Variants in RCOR1 observed in about 807,000 individuals in gnomAD.
RCOR1 encodes REST corepressor.
RCOR1 carries 12 observed loss-of-function variants against 64.0 expected under a neutral mutation model. That is an observed-to-expected ratio of 0.19 (90% CI 0.12 to 0.30). RCOR1 has a LOEUF of 0.30. Among genes scored for constraint, RCOR1 ranks in the 10% least tolerant of loss-of-function variants. The probability of loss-of-function intolerance (pLI) is 1.00; values close to 1 mark genes in which losing one functional copy is unlikely to be tolerated. For synonymous variants in RCOR1, 279 were observed against 227.2 expected (o/e 1.23, Z -2.05); for missense variants, 502 against 621.2 (o/e 0.81, Z 2.04).
chr14:102,649,170 A>G (rs140735338), intron 2 of RCOR1, among the ~76,000 whole-genome samples: 40 of 152,326 alleles, frequency 2.6e-4, no homozygotes, highest in African/African-American at 8.2e-4. Flanking sequence ...CTTAACAAAC[A>G]TAAATTAAAA....
chr14:102,602,065 G>T (rs551548321), intron 2 of RCOR1, among the ~76,000 whole-genome samples: 2 of 151,982 alleles, frequency 1.3e-5, no homozygotes, highest in African/African-American at 4.8e-5. Flanking sequence ...AGGCTGAGGC[G>T]GGAGAATTGC....
intron 2 of RCOR1, among the ~76,000 whole-genome samples, chr14:102,599,422 G>A (rs1271483536): frequency 1.3e-5 from 2 of 151,908 alleles, no homozygotes; most frequent in African/African-American, 4.8e-5. Flanking sequence ...GTGAGCCACC[G>A]TGTTCAGCCA....
intron 2 of RCOR1, among the ~76,000 whole-genome samples, chr14:102,633,562 C>T (rs1379320566): frequency 2.0e-5 from 3 of 151,772 alleles, no homozygotes; most frequent in Non-Finnish European, 4.4e-5. Context: ...CTCTTTGAGA[C>T]GGAGTTTTGC....
chr14:102,613,542 C>G (rs982234013), intron 2 of RCOR1, among the ~76,000 whole-genome samples: 8 of 146,730 alleles, frequency 5.5e-5, no homozygotes, highest in African/African-American at 1.8e-4. Flanking sequence ...ACGCCATTCT[C>G]CTGCCTCAGC....
chr14:102,638,330 A>G (rs1894288393), intron 2 of RCOR1, among the ~76,000 whole-genome samples: 1 of 152,192 alleles, frequency 6.6e-6, no homozygotes, highest in African/African-American at 2.4e-5. Flanking sequence ...TTTTAATTGA[A>G]AAGATACTAG....
chr14:102,613,885 C>CTTTTTT (rs71119719), intron 2 of RCOR1, among the ~76,000 whole-genome samples: 36 of 55,506 alleles, frequency 6.5e-4, no homozygotes, highest in African/African-American at 9.8e-4. Context: ...ATTAACTATT[C>CTTTTTT]TTTTTTTTTT....
chr14:102,728,666 C>G lies in RCOR1; in HGVS notation c.*2160C>G, dbSNP rs777204090. The G allele has an allele frequency of 6.6e-6, 1 of 152,060 alleles. No homozygotes were observed. Among genetic ancestry groups the G allele is most frequent in the Non-Finnish European group, 1.5e-5 (1 of 68,028 alleles). The allele number at this position is 152,060 out of a possible 1,614,324, so 9.4% of individuals were successfully genotyped here. A position where few individuals can be genotyped will look rare whatever the true frequency, so the allele number is the denominator to read the frequency against. On this transcript the variant is annotated 3_prime_UTR_variant, in exon 12 of 12. Coordinates refer to ENST00000262241, the MANE Select transcript of RCOR1 (RefSeq NM_015156.4). ...ATTTTTATATAGCGTGGCAAACTGA[C>G]CAGCAGTGCCAGGCCTTGATCTGTA...
intron 10 of RCOR1, 57 bp downstream of exon 10, chr14:102,721,434 TAATCCCAACATTTTG>T (rs1236367223): frequency 7.7e-7 from 1 of 1,300,466 alleles, no homozygotes; most frequent in Non-Finnish European, 1.1e-6. Context: ...CTCACACCTG[TAATCCCAACATTTTG>T]GAAGGTTGAC....
intron 3 of RCOR1, among the ~76,000 whole-genome samples, chr14:102,684,783 G>A (rs1351507706): frequency 1.3e-5 from 2 of 152,066 alleles, no homozygotes; most frequent in African/African-American, 4.8e-5. Flanking sequence ...GTGTATGTGT[G>A]TATTGTCTTC....
chr14:102,706,688 G>T (rs984152191), intron 4 of RCOR1, among the ~76,000 whole-genome samples: 1 of 152,116 alleles, frequency 6.6e-6, no homozygotes, highest in Admixed American at 6.5e-5. Context: ...TTAGCCGGGT[G>T]TGGTGGCATG....
rs183050783 is a variant in RCOR1 at position 102,685,350 on chromosome 14, G to A, written c.445+3372G>A. ...ACTAGTATGGATGTATCATAATTTA[G>A]CCTTTTTTTAAACAAAATTACCTGT... On this transcript the variant is annotated intron_variant, in intron 3 of 11. Transcript: ENST00000262241. Among the ~76,000 whole-genome samples, 76 of 150,848 alleles carry A rather than the reference G, an allele frequency of 5.0e-4. No individual in the cohort carries two copies. The East Asian group carries it at 0.013, about 26-fold the overall frequency.
At chr14:102,593,814 G>C (rs1893187293) in intron 2 of RCOR1, among the ~76,000 whole-genome samples, 1 of 152,130 alleles carries the variant, frequency 6.6e-6, no homozygotes, top group Non-Finnish European at 1.5e-5. Flanking sequence ...GCTCCTGACT[G>C]CCCTCCCATC....
intron 3 of RCOR1, among the ~76,000 whole-genome samples, chr14:102,686,789 G>A (rs1383454395): frequency 6.6e-6 from 1 of 152,064 alleles, no homozygotes; most frequent in African/African-American, 2.4e-5. Context: ...ATAATATACC[G>A]TTGTCTAGCT....
intron 4 of RCOR1, among the ~76,000 whole-genome samples, chr14:102,702,236 C>T (rs372223574): frequency 9.2e-5 from 14 of 152,070 alleles, no homozygotes; most frequent in African/African-American, 1.9e-4. Flanking sequence ...CATTTAATTA[C>T]TCTATCCTGG....
At chr14:102,681,819 T>A in intron 2 of RCOR1, 76 bp from the exon 3 acceptor site, 1 of 1,056,654 alleles carries the variant, frequency 9.5e-7, no homozygotes, top group South Asian at 1.4e-5. Context: ...GGTGATGTCA[T>A]TAAAAGGTAT....
intron 1 of RCOR1, 21 bp downstream of exon 1, chr14:102,593,208 C>CGGCCCAG: frequency 6.8e-7 from 1 of 1,473,528 alleles, no homozygotes; most frequent in South Asian, 1.3e-5. Flanking sequence ...GCCGCCCCCG[C>CGGCCCAG]GGCCCCGGGC....
At chr14:102,617,978 T>TC (rs1893798377) in intron 2 of RCOR1, among the ~76,000 whole-genome samples, 1 of 149,312 alleles carries the variant, frequency 6.7e-6, no homozygotes, top group Admixed American at 6.7e-5. Context: ...TTTTCTTTTT[T>TC]TTTTTTTTTT....
chr14:102,663,767 C>G (rs1488938872), intron 2 of RCOR1, among the ~76,000 whole-genome samples: 3 of 152,136 alleles, frequency 2.0e-5, no homozygotes, highest in African/African-American at 7.2e-5. Flanking sequence ...TAATTGGTCT[C>G]TGAAGTGTTT....
chr14:102,655,111 T>C (rs398088932), intron 2 of RCOR1: 7 of 12,564 alleles, frequency 5.6e-4, no homozygotes, highest in African/African-American at 3.8e-3. Context: ...GCGGACAACC[T>C]TTTTTTTTTT....
Sources: gnomAD v4.1 joint callset for allele counts (sites outside exome capture counted in the v4.1 genomes callset) on GRCh38, gnomAD v4.1.1 for gene constraint, MANE v1.5 for transcripts, NCBI Gene and HGNC (gene_info 2026-07-23, HGNC 2026-07-21) for gene names.